PHACTR2: variants seen among roughly 807,000 people sequenced by gnomAD.
PHACTR2 encodes chromosome 6 open reading frame 56.
A neutral mutation model predicts 76.0 loss-of-function variants in PHACTR2; 30 were observed. That is an observed-to-expected ratio of 0.39 (90% CI 0.30 to 0.54). PHACTR2 has a LOEUF of 0.54. PHACTR2 is among the 20% of genes least tolerant of loss of function. The pLI is 0.61. For missense variants in PHACTR2, 696 were observed against 781.1 expected, an observed-to-expected ratio of 0.89 and a Z score of 1.30; for synonymous variants, 292 against 292.5, an observed-to-expected ratio of 1.00 and a Z score of 0.02.
intron 1 of PHACTR2, among the ~76,000 whole-genome samples, chr6:143,538,197 G>A (rs550170141): frequency 1.3e-5 from 2 of 152,350 alleles, no homozygotes; most frequent in Admixed American, 6.5e-5. Flanking sequence ...CCCGTGCACC[G>A]GGACCGACGA....
At chr6:143,685,688 GAAA>G (rs145706092) in intron 1 of PHACTR2, among the ~76,000 whole-genome samples, 2 of 78,288 alleles carry the variant, frequency 2.6e-5, no homozygotes, top group Admixed American at 1.5e-4. Context: ...GCAATTAAAT[GAAA>G]AAAAAAAAAA....
rs374279944 is a variant in PHACTR2, at chr6:143,548,713, C to T, written c.217+11506C>T. Among the ~76,000 whole-genome samples, 16 of 151,828 alleles carry T rather than the reference C, an allele frequency of 1.1e-4. No homozygotes were observed. The highest frequency in any genetic ancestry group is 2.7e-4 in the African/African-American group (11 of 41,324). ...TCATTACCTCCTTGTACCTGGGGCC[C>T]GGGGAGGTAAGAAATTGCAGGGCTT... is the stretch of plus-strand genomic sequence containing the variant. On this transcript the variant is annotated intron_variant, in intron 1 of 11. Coordinates refer to the PHACTR2 transcript ENST00000367584. The surrounding 1 kb of genome is among the most constrained non-coding windows in gnomAD (Gnocchi z 4.5).
chr6:143,638,784 C>T (rs1332556796), intron 1 of PHACTR2, among the ~76,000 whole-genome samples: 3 of 152,154 alleles, frequency 2.0e-5, no homozygotes, highest in African/African-American at 7.2e-5. Flanking sequence ...AATAGTAAAT[C>T]CACAGACAAT....
At chr6:143,538,901 A>G (rs533930651) in intron 1 of PHACTR2, among the ~76,000 whole-genome samples, 1 of 152,340 alleles carries the variant, frequency 6.6e-6, no homozygotes, top group Admixed American at 6.5e-5. Context: ...TGTGAAAAGC[A>G]TTGAGTCCGA....
In PHACTR2 at chr6:143,585,515, G is replaced by C. The variant is rs1328337726; in HGVS notation, c.217+48308G>C. Among the ~76,000 whole-genome samples the C allele has an allele frequency of 6.6e-6, 1 of 152,158 alleles. No homozygotes were observed. On this transcript the variant is annotated intron_variant, in intron 1 of 11. Transcript: ENST00000367584. This position sits in a 1 kb window ranked among gnomAD's most constrained non-coding sequence, Gnocchi z 5.2. ...GGAACTGGATTCAGAAACAAGAGCT[G>C]CCAGTGCCGCATACCAAGCAGGAGG...
chr6:143,801,526 G>A lies in PHACTR2; in HGVS notation c.1846-5531G>A, dbSNP rs151105742. Among the ~76,000 whole-genome samples, 8 of 152,176 alleles carry A rather than the reference G, an allele frequency of 5.3e-5. No individual in the cohort carries two copies. The East Asian group carries it at 5.8e-4, about 11-fold the overall frequency. On this transcript the variant is annotated intron_variant, in intron 11 of 12. Transcript: ENST00000440869. The surrounding 1 kb of genome is among the most constrained non-coding windows in gnomAD (Gnocchi z 4.6). ...CTTGTGTATGCTTCACGGAGTTCTCGTACTGTAGTTTTCAGCTCCATCAGG... is the reference window on the plus strand; with the variant it reads ...CTTGTGTATGCTTCACGGAGTTCTCATACTGTAGTTTTCAGCTCCATCAGG...
rs1777284246 is a variant in PHACTR2 at position 143,677,971 on chromosome 6, T to A, written c.-193T>A. ...GCATAGAGGAATGACAGGCATCCGC[T>A]GGGCAGGATCCGCCGCGCCGGCTGC... On this transcript the variant is annotated 5_prime_UTR_variant, in exon 1 of 13. Coordinates refer to ENST00000440869, the MANE Select transcript of PHACTR2 (RefSeq NM_001100164.2). The A allele has an allele frequency of 4.5e-6, 6 of 1,340,756 alleles. No individual in the cohort carries two copies. In the East Asian group the frequency reaches 2.3e-4, roughly 51 times the overall value. 83.1% of individuals were successfully genotyped at this position (1,340,756 alleles called of 1,614,324 possible). A position where few individuals can be genotyped will look rare whatever the true frequency, so the allele number is the denominator to read the frequency against.
rs6925656 is a variant in PHACTR2, at chr6:143,822,652, A to T, written c.1923-1022A>T. Among the ~76,000 whole-genome samples the T allele has an allele frequency of 0.028, 4,322 of 152,324 alleles. 222 individuals are homozygous for T. Among genetic ancestry groups the T allele is most frequent in the African/African-American group, 0.1 (4,137 of 41,574 alleles). On this transcript the variant is annotated intron_variant, in intron 12 of 12. Transcript: ENST00000440869. The surrounding 1 kb of genome is among the most constrained non-coding windows in gnomAD (Gnocchi z 5.5). ...AATTAGGAGACTGGCTGACCAGAGC[A>T]GATGAGCATTCGACTGTAGAAGACA...
At chr6:143,732,892 A>T (rs1381395784) in intron 2 of PHACTR2, among the ~76,000 whole-genome samples, 1 of 151,432 alleles carries the variant, frequency 6.6e-6, no homozygotes, top group Non-Finnish European at 1.5e-5. Context: ...TTCTTTTCTG[A>T]TTTATTTATT....
rs1775221499 is a variant in PHACTR2, at chr6:143,558,929, C to T, written c.217+21722C>T. ...TGTGTATGGCTTAGGCCTCTCCCAT[C>T]CCCACTCCCTGGGAGAAGGGGAGAT... On this transcript the variant is annotated intron_variant, in intron 1 of 11. Transcript: ENST00000367584. The surrounding 1 kb of genome is among the most constrained non-coding windows in gnomAD (Gnocchi z 4.7). Among the ~76,000 whole-genome samples, 1 of 152,180 alleles carries T rather than the reference C, an allele frequency of 6.6e-6. No homozygotes were observed. Among genetic ancestry groups the T allele is most frequent in the African/African-American group, 2.4e-5 (1 of 41,442 alleles).
chr6:143,564,728 C>T (rs965594277), intron 1 of PHACTR2, among the ~76,000 whole-genome samples: 5 of 152,130 alleles, frequency 3.3e-5, no homozygotes, highest in African/African-American at 7.2e-5. Flanking sequence ...CGGCAGTTCT[C>T]GGAAGGCCTG....
rs1775823937 is a variant in PHACTR2 at position 143,602,492 on chromosome 6, T to C, written c.217+65285T>C. Among the ~76,000 whole-genome samples the C allele has an allele frequency of 6.6e-6, 1 of 152,184 alleles. No homozygotes were observed. Among genetic ancestry groups the C allele is most frequent in the African/African-American group, 2.4e-5 (1 of 41,436 alleles). ...CTCATGTGGAGCTCTTTTAGAGCCA[T>C]TACTACATAGGAGCTGCGCATCTGG... On this transcript the variant is annotated intron_variant, in intron 1 of 11. Coordinates refer to the PHACTR2 transcript ENST00000367584. This position sits in a 1 kb window ranked among gnomAD's most constrained non-coding sequence, Gnocchi z 6.1.
chr6:143,574,064 C>T (rs1272286213), intron 1 of PHACTR2, among the ~76,000 whole-genome samples: 1 of 152,322 alleles, frequency 6.6e-6, no homozygotes, highest in South Asian at 2.1e-4. Context: ...GGGCTGTGTT[C>T]TCATCTGGAG....
At chr6:143,622,041 C>A (rs1452869932) in intron 1 of PHACTR2, among the ~76,000 whole-genome samples, 1 of 152,134 alleles carries the variant, frequency 6.6e-6, no homozygotes, top group Non-Finnish European at 1.5e-5. Context: ...AGTACACAGA[C>A]CCCACTGAGG....
At position 143,553,331 on chromosome 6, in the gene PHACTR2, C is replaced by A. The variant is rs1004917527; in HGVS notation, c.217+16124C>A. ...ACAACTTCAATTTGTACAGAAGTGACTGTGCATTTTAAAGAGAGAATGAAG... is the reference window on the plus strand; with the variant it reads ...ACAACTTCAATTTGTACAGAAGTGAATGTGCATTTTAAAGAGAGAATGAAG... On this transcript the variant is annotated intron_variant, in intron 1 of 11. Coordinates refer to the PHACTR2 transcript ENST00000367584. The surrounding 1 kb of genome is among the most constrained non-coding windows in gnomAD (Gnocchi z 4.2). Among the ~76,000 whole-genome samples the A allele has an allele frequency of 2.0e-5, 3 of 152,180 alleles. No homozygotes were observed. The highest frequency in any genetic ancestry group is 4.4e-5 in the Non-Finnish European group (3 of 68,036).
chr6:143,634,920 A>G (rs1554216594), intron 1 of PHACTR2, among the ~76,000 whole-genome samples: 2 of 149,504 alleles, frequency 1.3e-5, no homozygotes, highest in Non-Finnish European at 3.0e-5. Context: ...TCATTTTCTC[A>G]TTTTTTTTTT....
intron 7 of PHACTR2, among the ~76,000 whole-genome samples, chr6:143,773,252 C>A (rs1358626613): frequency 6.6e-6 from 1 of 151,798 alleles, no homozygotes; most frequent in Admixed American, 6.6e-5. Context: ...ACCTTGCTAG[C>A]ATTAAAAAAA....
chr6:143,665,260 T>G (rs4523103), intron 1 of PHACTR2, among the ~76,000 whole-genome samples: 78,833 of 152,032 alleles, frequency 0.52, 20,500 homozygotes, highest in South Asian at 0.68. Flanking sequence ...GTTTTTCATT[T>G]ACTTGGATTT....
chr6:143,632,311 G>T (rs1337370324), intron 1 of PHACTR2, among the ~76,000 whole-genome samples: 1 of 152,116 alleles, frequency 6.6e-6, no homozygotes, highest in Non-Finnish European at 1.5e-5. Flanking sequence ...ATTCTATCTT[G>T]TATTTTACCT....
Sources: allele counts gnomAD v4.1 joint callset (sites outside exome capture counted in the v4.1 genomes callset), GRCh38; gene constraint gnomAD v4.1.1; non-coding constraint Gnocchi (gnomAD v3.1); transcripts MANE v1.5; gene names NCBI Gene and HGNC (gene_info 2026-07-23, HGNC 2026-07-21).